Variants in LTA4H observed in about 807,000 individuals in gnomAD.
LTA4H encodes leukotriene A-4 hydrolase.
Under a neutral mutation model 89.8 loss-of-function variants are expected in LTA4H, and 59 were observed. The ratio of observed to expected loss-of-function variants is 0.66; its 90% CI spans 0.53 to 0.82. The LOEUF is 0.82. Ranked by LOEUF, LTA4H falls within the 40% of genes least tolerant of loss-of-function variation. LTA4H has a pLI of 0.00. For synonymous variants in LTA4H, 227 were observed against 253.1 expected (o/e 0.90, Z 0.98); for missense variants, 617 against 727.0 (o/e 0.85, Z 1.74).
intron 1 of LTA4H, among the ~76,000 whole-genome samples, 176 bp downstream of exon 1, chr12:96,035,185 C>T (rs929977114): frequency 6.6e-6 from 1 of 152,038 alleles, no homozygotes; most frequent in Non-Finnish European, 1.5e-5. Flanking sequence ...TGTGAGAGAT[C>T]TGGGGGCTGA....
chr12:96,043,473 A>G, exon 1 of LTA4H: 3 of 752,570 alleles, frequency 4.0e-6, no homozygotes, highest in Non-Finnish European at 6.7e-6. Flanking sequence ...TTAAAAGACA[A>G]ACATGCGCCT....
At position 96,027,398 on chromosome 12, in the gene LTA4H, G is replaced by T. The variant is rs571033505; in HGVS notation, c.411+46C>A. Reference sequence around the variant, plus strand: ...TTCATTTTGCTTCATTCAACCATAGGTGCTGAAATTTTCTGCATCAGAAAT... The same window carrying T: ...TTCATTTTGCTTCATTCAACCATAGTTGCTGAAATTTTCTGCATCAGAAAT... On this transcript the variant is annotated intron_variant, in intron 3 of 18. Coordinates refer to ENST00000228740, the MANE Select transcript of LTA4H (RefSeq NM_000895.3). 4.5e-6 allele frequency: 7 copies of T among 1,541,626 alleles called. No homozygotes were observed. The Admixed American group carries it at 1.5e-4, about 34-fold the overall frequency.
chr12:96,028,140 G>A (rs1271733171), intron 2 of LTA4H, among the ~76,000 whole-genome samples: 1 of 152,180 alleles, frequency 6.6e-6, no homozygotes, highest in African/African-American at 2.4e-5. Flanking sequence ...GTCTATGACA[G>A]ATTGAAGAGG....
upstream of LTA4H, chr12:96,035,754 T>C: frequency 9.6e-7 from 1 of 1,041,348 alleles, no homozygotes; most frequent in Non-Finnish European, 1.3e-6. Context: ...GGAGCGTGTG[T>C]GTTAGGGATG....
Position 96,035,531 on chromosome 12 carries a change from A to C in LTA4H, c.-12T>G, listed in dbSNP as rs745316389. The C allele has an allele frequency of 4.7e-5, 75 of 1,597,260 alleles. No individual in the cohort carries two copies. Among genetic ancestry groups the C allele is most frequent in the Non-Finnish European group, 6.2e-5 (73 of 1,171,342 alleles). On this transcript the variant is annotated 5_prime_UTR_variant, in exon 1 of 19. Transcript: ENST00000228740. ...ACTATCTCGGGCATGGCTCTGGGGG[A>C]TCACACAGCACAGCGACCTACAGCC...
intron 16 of LTA4H, among the ~76,000 whole-genome samples, chr12:96,005,045 T>G (rs530166740): frequency 3.9e-5 from 6 of 152,324 alleles, no homozygotes; most frequent in Middle Eastern, 3.4e-3. Flanking sequence ...GCTCCAAATC[T>G]TCTTTCTTCT....
At chr12:96,037,839 C>T (rs1950662070), upstream of LTA4H, among the ~76,000 whole-genome samples, 1 of 151,976 alleles carries the variant, frequency 6.6e-6, no homozygotes. Flanking sequence ...CGCCCGTCAC[C>T]AAGACCGACT....
intron 6 of LTA4H, 67 bp downstream of exon 6, chr12:96,021,018 T>G: frequency 3.2e-6 from 4 of 1,253,000 alleles, no homozygotes; most frequent in Admixed American, 2.2e-5. Flanking sequence ...CAATTAACCT[T>G]GAGAGAAGTT....
chr12:96,013,765 G>C lies in LTA4H; in HGVS notation c.1293C>G (p.Ser431=), dbSNP rs780725914. The change falls in exon 13 of 19, where the codon TCC becomes TCG. Residue 431 remains serine, a synonymous_variant. Coordinates refer to ENST00000228740, the MANE Select transcript of LTA4H (RefSeq NM_000895.3). ...TTDDWKDFLY[S]YFKDKVDVLN... is the part of the protein sequence containing the mutation. ...TAAATCCAACCTTATCTTTAAAATA[G>C]GAATACAGGAAATCCTTCCAGTCAT... The C allele has an allele frequency of 2.6e-6, 4 of 1,546,676 alleles. No homozygotes were observed. In the South Asian group the frequency reaches 4.6e-5, roughly 18 times the overall value.
chr12:96,033,921 A>T (rs1950604601), intron 1 of LTA4H, among the ~76,000 whole-genome samples: 1 of 152,256 alleles, frequency 6.6e-6, no homozygotes, highest in Non-Finnish European at 1.5e-5. Context: ...CTGCAAGGAA[A>T]TAGATGCCTT....
intron 12 of LTA4H, chr12:96,014,183 T>C (rs185641369): frequency 5.3e-6 from 1 of 189,830 alleles, no homozygotes; most frequent in African/African-American, 2.4e-5. Flanking sequence ...AAAATAAGAC[T>C]GGACAGGCAG....
At chr12:96,037,861 T>G (rs1173784779), upstream of LTA4H, among the ~76,000 whole-genome samples, 1 of 151,440 alleles carries the variant, frequency 6.6e-6, no homozygotes, top group African/African-American at 2.4e-5. Context: ...ATTTTTTGTG[T>G]GTGTATTTTT....
chr12:96,027,535 A>G lies in LTA4H; in HGVS notation c.320T>C (p.Phe107Ser), dbSNP rs771902623. 1.9e-6 allele frequency: 3 copies of G among 1,597,994 alleles called. No homozygotes were observed. The highest frequency in any genetic ancestry group is 2.2e-5 in the East Asian group (1 of 44,748). The change falls in exon 3 of 19, where the codon TTT becomes TCT. Residue 107 changes from phenylalanine to serine, a missense_variant. Transcript: ENST00000228740. ...AGCAGAAGATTTTGGAGAGGTCTCA[A>G]AAGAAATTTCTATAACAATTTCTTG... ...KNQEIVIEIS[F>S]ETSPKSSALQ...
At position 96,035,266 on chromosome 12, in the gene LTA4H, G is replaced by A. The variant is rs535325864; in HGVS notation, c.159+95C>T. 1,444 of 1,331,920 alleles carry A rather than the reference G, an allele frequency of 1.1e-3. 1 individual carries two copies. The highest frequency in any genetic ancestry group is 1.9e-3 in the Middle Eastern group (7 of 3,770). 82.5% of individuals were successfully genotyped at this position (1,331,920 alleles called of 1,614,324 possible). On this transcript the variant is annotated intron_variant, in intron 1 of 18. Coordinates refer to ENST00000228740, the MANE Select transcript of LTA4H (RefSeq NM_000895.3). The stretch of plus-strand genomic sequence containing the variant: ...GACGTGGGGCTAGGCAGGGGCCGCG[G>A]CGGGGTGAGCCGGAGATCCGGGAGC...
At chr12:96,038,955 A>C (rs1950668739), upstream of LTA4H, among the ~76,000 whole-genome samples, 1 of 151,854 alleles carries the variant, frequency 6.6e-6, no homozygotes, top group Non-Finnish European at 1.5e-5. Flanking sequence ...TTACAGTAGG[A>C]ATTGTTTTCT....
upstream of LTA4H, among the ~76,000 whole-genome samples, chr12:96,037,926 G>A (rs528910472): frequency 1.8e-3 from 274 of 152,220 alleles, 3 homozygotes; most frequent in African/African-American, 6.3e-3. Context: ...TCCTGACCTC[G>A]TGATCCACCC....
At chr12:96,034,613 A>G (rs1190667527) in intron 1 of LTA4H, among the ~76,000 whole-genome samples, 1 of 152,202 alleles carries the variant, frequency 6.6e-6, no homozygotes, top group Non-Finnish European at 1.5e-5. Flanking sequence ...AAAAAGTAGA[A>G]AGGACCCTGA....
At chr12:96,017,926 T>C (rs1026782943) in intron 8 of LTA4H, among the ~76,000 whole-genome samples, 1 of 152,336 alleles carries the variant, frequency 6.6e-6, no homozygotes, top group Non-Finnish European at 1.5e-5. Context: ...ATATATTTAA[T>C]AAAACTTTAG....
chr12:96,043,316 C>G, exon 1 of LTA4H: 8 of 1,535,414 alleles, frequency 5.2e-6, no homozygotes, highest in Non-Finnish European at 7.0e-6. Context: ...GTCGACGAGT[C>G]TTAACTGGGA....
Sources: gnomAD v4.1 joint callset for allele counts (sites outside exome capture counted in the v4.1 genomes callset) on GRCh38, gnomAD v4.1.1 for gene constraint, MANE v1.5 for transcripts, NCBI Gene and HGNC (gene_info 2026-07-23, HGNC 2026-07-21) for gene names.